Variants in TRAK1 observed in about 807,000 individuals in gnomAD.
TRAK1 encodes trafficking kinesin protein 1, also known as trafficking kinesin-binding protein 1.
TRAK1 carries 33 observed loss-of-function variants against 92.1 expected under a neutral mutation model. That is an observed-to-expected ratio of 0.36 (90% confidence interval 0.27 to 0.48). The LOEUF is 0.48. TRAK1 is among the 20% of genes least tolerant of loss of function. TRAK1 has a pLI of 0.99. For missense variants in TRAK1, 1,123 were observed against 1,257.9 expected (o/e 0.89, Z 1.62); for synonymous variants, 521 against 517.3 (o/e 1.01, Z -0.10).
chr3:42,074,867 G>A (rs115621759), intron 1 of TRAK1, among the ~76,000 whole-genome samples: 1,784 of 152,174 alleles, frequency 0.012, 16 homozygotes, highest in Non-Finnish European at 0.017. Context: ...CCTTCAAGTA[G>A]GCCCCATCGT....
chr3:42,195,009 A>C, intron 10 of TRAK1, 68 bp downstream of exon 10: 1 of 1,576,466 alleles, frequency 6.3e-7, no homozygotes, highest in Non-Finnish European at 8.6e-7. Context: ...AGTGTCTGAC[A>C]TTCTGGCCAC....
At chr3:42,108,598 A>G (rs1707918966) in intron 1 of TRAK1, among the ~76,000 whole-genome samples, 1 of 151,728 alleles carries the variant, frequency 6.6e-6, no homozygotes, top group Non-Finnish European at 1.5e-5. Flanking sequence ...GCATAGCATG[A>G]TGGGTAAATG....
intron 1 of TRAK1, among the ~76,000 whole-genome samples, chr3:42,043,520 G>A (rs1451567806): frequency 1.3e-5 from 2 of 151,740 alleles, no homozygotes; most frequent in African/African-American, 4.8e-5. Flanking sequence ...AGCCCTGTGA[G>A]CAGACCTCTC....
intron 2 of TRAK1, among the ~76,000 whole-genome samples, 185 bp downstream of exon 2, chr3:42,125,799 A>G (rs1710478851): frequency 6.6e-6 from 1 of 152,204 alleles, no homozygotes; most frequent in African/African-American, 2.4e-5. Flanking sequence ...TGTTCTGAAT[A>G]GAAATTTTAG....
intron 15 of TRAK1, chr3:42,220,367 C>A: frequency 1.8e-6 from 1 of 557,752 alleles, no homozygotes; most frequent in South Asian, 7.7e-5. Context: ...AAATGCTCTC[C>A]CCTAACAGAG....
intron 1 of TRAK1, among the ~76,000 whole-genome samples, chr3:42,033,301 T>C (rs977261086): frequency 6.6e-6 from 1 of 152,204 alleles, no homozygotes; most frequent in African/African-American, 2.4e-5. Flanking sequence ...ATGCTGTCGT[T>C]CTGTGAATGT....
chr3:42,151,870 G>A (rs768694346), intron 2 of TRAK1, among the ~76,000 whole-genome samples: 1 of 152,142 alleles, frequency 6.6e-6, no homozygotes, highest in Non-Finnish European at 1.5e-5. Context: ...CATTTGAATC[G>A]TCAATGAGGG....
intron 1 of TRAK1, among the ~76,000 whole-genome samples, chr3:42,093,115 A>T (rs1472578974): frequency 6.6e-6 from 1 of 152,228 alleles, no homozygotes; most frequent in Non-Finnish European, 1.5e-5. Flanking sequence ...AAGAATGGAC[A>T]GTGAAATATA....
chr3:42,159,988 T>G (rs1420051467), intron 2 of TRAK1, among the ~76,000 whole-genome samples: 3 of 152,174 alleles, frequency 2.0e-5, no homozygotes, highest in African/African-American at 7.2e-5. Flanking sequence ...TCATTGCTGC[T>G]GGGGGAGGAA....
At chr3:42,156,449 G>T (rs1051400876) in intron 2 of TRAK1, among the ~76,000 whole-genome samples, 3 of 152,234 alleles carry the variant, frequency 2.0e-5, no homozygotes, top group African/African-American at 2.4e-5. Flanking sequence ...ACAGCAGCCA[G>T]CCCGAAGGGG....
At chr3:42,152,213 C>T (rs1700037680) in intron 2 of TRAK1, among the ~76,000 whole-genome samples, 2 of 152,142 alleles carry the variant, frequency 1.3e-5, no homozygotes, top group Admixed American at 1.3e-4. Context: ...CTCCCCCGCC[C>T]CCAGAGGAGG....
chr3:42,105,289 G>T (rs1318630886), intron 1 of TRAK1, among the ~76,000 whole-genome samples: 3 of 152,296 alleles, frequency 2.0e-5, no homozygotes, highest in Non-Finnish European at 1.5e-5. Context: ...TAGACAAATG[G>T]CTAACTAGAA....
chr3:42,022,748 CTT>C (rs1416718394), intron 1 of TRAK1, among the ~76,000 whole-genome samples: 4 of 117,450 alleles, frequency 3.4e-5, no homozygotes, highest in African/African-American at 1.2e-4. Context: ...AAACAAAAAA[CTT>C]TTGTACAAGA....
At chr3:42,136,042 A>G (rs2149194699) in intron 2 of TRAK1, among the ~76,000 whole-genome samples, 1 of 152,120 alleles carries the variant, frequency 6.6e-6, no homozygotes, top group Admixed American at 6.5e-5. Context: ...TCCTAAATCC[A>G]TCGATGCTAA....
At chr3:42,063,248 GTTA>G (rs1703523176) in intron 1 of TRAK1, among the ~76,000 whole-genome samples, 1 of 152,260 alleles carries the variant, frequency 6.6e-6, no homozygotes, top group Non-Finnish European at 1.5e-5. Flanking sequence ...GCCTGAAATA[GTTA>G]TTATTTTCCG....
chr3:42,104,010 C>G (rs1452186869), intron 1 of TRAK1, among the ~76,000 whole-genome samples: 1 of 152,196 alleles, frequency 6.6e-6, no homozygotes, highest in Non-Finnish European at 1.5e-5. Flanking sequence ...AATAGCACAC[C>G]AAGAGATTAT....
chr3:42,047,925 T>TTTTC (rs1702824461), intron 1 of TRAK1, among the ~76,000 whole-genome samples: 1 of 148,768 alleles, frequency 6.7e-6, no homozygotes. Context: ...TTCTTTTCTT[T>TTTTC]TTTTTTTTTT....
intron 10 of TRAK1, among the ~76,000 whole-genome samples, chr3:42,198,232 C>T (rs919517722): frequency 2.6e-5 from 4 of 152,120 alleles, no homozygotes; most frequent in African/African-American, 9.7e-5. Flanking sequence ...ATGGGTGGTA[C>T]AGGAGAGGGG....
At chr3:42,203,765 A>AC (rs59419342) in intron 13 of TRAK1, 1 of 965,418 alleles carries the variant, frequency 1.0e-6, no homozygotes, top group Non-Finnish European at 1.2e-6. Context: ...TTTCCTAATC[A>AC]CCCCCCAAAG....
Sources: allele counts gnomAD v4.1 joint callset (sites outside exome capture counted in the v4.1 genomes callset), GRCh38; gene constraint gnomAD v4.1.1; transcripts MANE v1.5; gene names NCBI Gene and HGNC (gene_info 2026-07-23, HGNC 2026-07-21).